The following LRP1B variants were observed in gnomAD, a reference collection of about 807,000 sequenced individuals.
The protein encoded by LRP1B is low-density lipoprotein receptor-related protein 1B.
In LRP1B, 217 loss-of-function variants were observed where a neutral mutation model predicts 556.6. The ratio of observed to expected loss-of-function variants is 0.39; its 90% CI spans 0.35 to 0.44. LRP1B has a LOEUF of 0.44. Ranked by LOEUF, LRP1B falls within the 20% of genes least tolerant of loss-of-function variation. The probability of loss-of-function intolerance (pLI) is 1.00; values close to 1 mark genes in which losing one functional copy is unlikely to be tolerated. For missense variants in LRP1B, 5,053 were observed against 5,620.8 expected (o/e 0.90, Z 3.23); for synonymous variants, 2,047 against 1,865.8 (o/e 1.10, Z -2.50).
intron 89 of LRP1B, among the ~76,000 whole-genome samples, chr2:140,237,260 G>A (rs775216650): frequency 6.6e-6 from 1 of 150,772 alleles, no homozygotes; most frequent in African/African-American, 2.4e-5. Context: ...GAGATCATGT[G>A]GTATTTGTCA....
chr2:141,614,547 G>A (rs1688227702), intron 2 of LRP1B, among the ~76,000 whole-genome samples: 1 of 152,170 alleles, frequency 6.6e-6, no homozygotes, highest in Non-Finnish European at 1.5e-5. Context: ...TAATACCAAT[G>A]TGACTGGTAG....
chr2:140,412,785 T>C (rs1329874644), intron 66 of LRP1B, among the ~76,000 whole-genome samples: 1 of 152,118 alleles, frequency 6.6e-6, no homozygotes, highest in African/African-American at 2.4e-5. Flanking sequence ...TTTTACATTC[T>C]ATCATACCAT....
At chr2:141,157,958 T>C (rs1453428070) in intron 7 of LRP1B, among the ~76,000 whole-genome samples, 1 of 152,158 alleles carries the variant, frequency 6.6e-6, no homozygotes, top group Non-Finnish European at 1.5e-5. Context: ...GTATTTTGCT[T>C]GTTTAGTGTA....
intron 1 of LRP1B, among the ~76,000 whole-genome samples, chr2:142,126,942 T>C (rs183390809): frequency 4.0e-4 from 61 of 151,968 alleles, no homozygotes; most frequent in African/African-American, 1.4e-3. Context: ...AAGAAACTAA[T>C]GTCCTGGATC....
chr2:141,421,945 T>C (rs1196477681), intron 3 of LRP1B, among the ~76,000 whole-genome samples: 1 of 152,218 alleles, frequency 6.6e-6, no homozygotes, highest in Non-Finnish European at 1.5e-5. Flanking sequence ...TTGTTGAGGA[T>C]AGACGTCATG....
chr2:140,501,474 A>C (rs762976081), intron 55 of LRP1B, among the ~76,000 whole-genome samples: 4 of 139,166 alleles, frequency 2.9e-5, no homozygotes, highest in Non-Finnish European at 6.0e-5. Context: ...AAAATGTAGA[A>C]AAATGCTTCA....
chr2:140,461,289 C>T (rs1364709365), intron 60 of LRP1B, among the ~76,000 whole-genome samples: 1 of 151,960 alleles, frequency 6.6e-6, no homozygotes, highest in African/African-American at 2.4e-5. Context: ...ACTTAAGAAA[C>T]GAATGCCCCA....
At chr2:141,252,755 C>T (rs557452163) in intron 4 of LRP1B, among the ~76,000 whole-genome samples, 14 of 152,172 alleles carry the variant, frequency 9.2e-5, no homozygotes, top group African/African-American at 3.1e-4. Context: ...ATAGGCATAC[C>T]ATCACTTGCA....
intron 1 of LRP1B, among the ~76,000 whole-genome samples, chr2:141,960,912 G>A (rs1382616146): frequency 6.6e-6 from 1 of 151,680 alleles, no homozygotes; most frequent in Non-Finnish European, 1.5e-5. Flanking sequence ...TTAGTTAACA[G>A]TTAAATGGAA....
chr2:141,913,122 G>A (rs1185189922), intron 1 of LRP1B, among the ~76,000 whole-genome samples: 8 of 152,142 alleles, frequency 5.3e-5, no homozygotes, highest in East Asian at 1.9e-4. Context: ...GATGAAACAC[G>A]TTCTGAAGAT....
chr2:141,587,307 AG>A (rs1051482171), intron 2 of LRP1B, among the ~76,000 whole-genome samples: 93 of 152,326 alleles, frequency 6.1e-4, no homozygotes, highest in African/African-American at 2.1e-3. Flanking sequence ...TAACAATAAA[AG>A]CCAAGGAACA....
Position 141,544,313 on chromosome 2 carries a change from C to CTTCTTCTTCTTCTTCTTCTTCTTCTTCTT in LRP1B, c.206-63809_206-63781dup, listed in dbSNP as rs1553533086. On this transcript the variant is annotated intron_variant, in intron 2 of 90. Coordinates refer to ENST00000389484, the MANE Select transcript of LRP1B (RefSeq NM_018557.3). Reference sequence around the variant, plus strand: ...ATTTACCACTCTTCTTCTTCTTCTTCTTCTTCTTCTTCTTCTTCTTCTTCT... The same window carrying CTTCTTCTTCTTCTTCTTCTTCTTCTTCTT: ...ATTTACCACTCTTCTTCTTCTTCTTCTTCTTCTTCTTCTTCTTCTTCTTCTTCTTTTCTTCTTCTTCTTCTTCTTCTTCT... Among the ~76,000 whole-genome samples, 59 of 25,554 alleles carry CTTCTTCTTCTTCTTCTTCTTCTTCTTCTT rather than the reference C, an allele frequency of 2.3e-3. 1 individual carries two copies. Among genetic ancestry groups the CTTCTTCTTCTTCTTCTTCTTCTTCTTCTT allele is most frequent in the African/African-American group, 7.6e-3 (33 of 4,364 alleles). 16.8% of individuals were successfully genotyped at this position (25,554 alleles called of 152,430 possible). A position where few individuals can be genotyped will look rare whatever the true frequency, so the allele number is the denominator to read the frequency against.
At chr2:140,659,365 A>G (rs1685012196) in intron 41 of LRP1B, among the ~76,000 whole-genome samples, 2 of 151,912 alleles carry the variant, frequency 1.3e-5, no homozygotes, top group South Asian at 4.1e-4. Flanking sequence ...ATCTATTTTC[A>G]GCATGGTTTT....
intron 2 of LRP1B, among the ~76,000 whole-genome samples, chr2:141,524,568 T>C (rs1684632872): frequency 2.0e-5 from 3 of 152,126 alleles, no homozygotes; most frequent in South Asian, 4.1e-4. Context: ...TTTTTTTGTT[T>C]GTTTTTTAGC....
chr2:141,073,926 A>T (rs948924173), intron 7 of LRP1B, among the ~76,000 whole-genome samples: 2 of 152,030 alleles, frequency 1.3e-5, no homozygotes, highest in Non-Finnish European at 2.9e-5. Flanking sequence ...TTTACACTGT[A>T]TCTCAGTTTC....
At chr2:140,719,495 A>T (rs1192073306) in intron 35 of LRP1B, among the ~76,000 whole-genome samples, 1 of 152,064 alleles carries the variant, frequency 6.6e-6, no homozygotes, top group African/African-American at 2.4e-5. Flanking sequence ...ATATATAATC[A>T]TAAATCATTC....
intron 7 of LRP1B, among the ~76,000 whole-genome samples, chr2:141,183,222 C>T (rs185572802): frequency 9.2e-5 from 14 of 152,126 alleles, no homozygotes; most frequent in African/African-American, 3.4e-4. Context: ...GAACCTGTGC[C>T]TGCTCAGGGA....
At chr2:141,344,445 G>C (rs1342589785) in intron 3 of LRP1B, among the ~76,000 whole-genome samples, 1 of 152,048 alleles carries the variant, frequency 6.6e-6, no homozygotes, top group Non-Finnish European at 1.5e-5. Flanking sequence ...CTTTGGCGTA[G>C]GTGTTTTCTC....
chr2:140,617,781 A>G (rs2105241938), intron 41 of LRP1B, among the ~76,000 whole-genome samples: 1 of 152,132 alleles, frequency 6.6e-6, no homozygotes, highest in South Asian at 2.1e-4. Context: ...AGAAATCTAC[A>G]TTTAACAGCT....
Sources: gnomAD v4.1 joint callset for allele counts (sites outside exome capture counted in the v4.1 genomes callset) on GRCh38, gnomAD v4.1.1 for gene constraint, MANE v1.5 for transcripts, NCBI Gene and HGNC (gene_info 2026-07-23, HGNC 2026-07-21) for gene names.